Variants in RASGEF1A observed in about 807,000 individuals in gnomAD.
RASGEF1A encodes RasGEF domain family member 1A, also known as ras-GEF domain-containing family member 1A.
In RASGEF1A, 18 loss-of-function variants were observed where a neutral mutation model predicts 56.4. The observed-to-expected ratio is 0.32, with a 90% CI of 0.22 to 0.47. The LOEUF (loss-of-function observed/expected upper bound fraction) is 0.47. Among genes scored for constraint, RASGEF1A ranks in the 20% least tolerant of loss-of-function variants. The pLI is 1.00. For synonymous variants in RASGEF1A, 245 were observed against 242.6 expected, an observed-to-expected ratio of 1.01 and a Z score of -0.09; for missense variants, 422 against 627.1, an observed-to-expected ratio of 0.67 and a Z score of 3.49.
chr10:43,196,885 G>T lies in RASGEF1A; in HGVS notation c.1348+91C>A, dbSNP rs535557004. The T allele has an allele frequency of 2.0e-6, 3 of 1,496,056 alleles. No homozygotes were observed. The highest frequency in any genetic ancestry group is 2.7e-6 in the Non-Finnish European group (3 of 1,100,292). The allele number at this position is 1,496,056 out of a possible 1,614,324, so 92.7% of individuals were successfully genotyped here. ...CTGTGTGGCATGGAGCAGCCAGCAG[G>T]CCATCTCCCAGGGCAACCCCAAAGA... On this transcript the variant is annotated intron_variant, in intron 11 of 12. Coordinates refer to ENST00000395810, the MANE Select transcript of RASGEF1A (RefSeq NM_145313.4). This position sits in a 1 kb window ranked among gnomAD's most constrained non-coding sequence, Gnocchi z 4.6.
chr10:43,242,995 G>A (rs979663071), intron 1 of RASGEF1A, among the ~76,000 whole-genome samples: 6 of 150,494 alleles, frequency 4.0e-5, no homozygotes, highest in Non-Finnish European at 7.4e-5. Context: ...GCCGCCCATC[G>A]TCTGGGATGT....
chr10:43,241,164 T>C (rs1840493870), intron 1 of RASGEF1A, among the ~76,000 whole-genome samples: 1 of 152,146 alleles, frequency 6.6e-6, no homozygotes, highest in African/African-American at 2.4e-5. Context: ...ACTTTACTGG[T>C]TTTATATTTA....
intron 1 of RASGEF1A, among the ~76,000 whole-genome samples, chr10:43,235,429 G>A (rs748832570): frequency 1.3e-5 from 2 of 152,128 alleles, no homozygotes; most frequent in Non-Finnish European, 2.9e-5. Flanking sequence ...GTGTCCATGC[G>A]CCTTGGCCAC....
chr10:43,233,786 C>G (rs1402161192), intron 1 of RASGEF1A, among the ~76,000 whole-genome samples: 2 of 152,184 alleles, frequency 1.3e-5, no homozygotes, highest in African/African-American at 4.8e-5. Context: ...ACACTAGAGA[C>G]TCACACCAAA....
chr10:43,202,770 C>G (rs927002440), intron 3 of RASGEF1A: 2 of 462,248 alleles, frequency 4.3e-6, no homozygotes, highest in African/African-American at 4.0e-5. Context: ...CCACCACGCC[C>G]CTAACCCGGA....
intron 1 of RASGEF1A, chr10:43,206,789 T>G: frequency 1.0e-6 from 1 of 986,056 alleles, no homozygotes; most frequent in Non-Finnish European, 1.2e-6. Context: ...GGTGAAGGTC[T>G]TGGGCCAAGT....
chr10:43,224,291 AAT>A (rs10596444), intron 1 of RASGEF1A, among the ~76,000 whole-genome samples: 10,162 of 152,266 alleles, frequency 0.067, 918 homozygotes, highest in African/African-American at 0.2. Context: ...AAATGTGACA[AAT>A]ATGTCTCCTA....
At chr10:43,205,725 C>T (rs1315622417) in intron 2 of RASGEF1A, among the ~76,000 whole-genome samples, 194 bp downstream of exon 2, 1 of 152,158 alleles carries the variant, frequency 6.6e-6, no homozygotes, top group East Asian at 1.9e-4. Context: ...CCCCAGGCCA[C>T]CTGCTAGCTG....
At chr10:43,226,508 T>A (rs1840281847) in intron 1 of RASGEF1A, among the ~76,000 whole-genome samples, 1 of 151,778 alleles carries the variant, frequency 6.6e-6, no homozygotes, top group South Asian at 2.1e-4. Context: ...TCCTCCGAGA[T>A]CCACGCCATC....
At chr10:43,258,601 G>T (rs1020111310) in intron 1 of RASGEF1A, among the ~76,000 whole-genome samples, 1 of 152,240 alleles carries the variant, frequency 6.6e-6, no homozygotes, top group Non-Finnish European at 1.5e-5. Flanking sequence ...GGGCCGAGGG[G>T]CACCACCAGC....
rs1839781776 is a variant in RASGEF1A, at chr10:43,195,393, T to G, written c.*851A>C. 3.9e-5 allele frequency: 6 copies of G among 152,256 alleles called. No homozygotes were observed. In the South Asian group the frequency reaches 1.2e-3, roughly 32 times the overall value. The allele number at this position is 152,256 out of a possible 1,614,324, so 9.4% of individuals were successfully genotyped here. On this transcript the variant is annotated 3_prime_UTR_variant, in exon 13 of 13. Transcript: ENST00000395810. This position sits in a 1 kb window ranked among gnomAD's most constrained non-coding sequence, Gnocchi z 4.2. The stretch of plus-strand genomic sequence containing the variant: ...GCCCTCCCCTCTGTAGATGATAGGT[T>G]TCAAGACTAGCTCTAAATGTCACCA...
chr10:43,198,673 C>T (rs1414837551), intron 9 of RASGEF1A, among the ~76,000 whole-genome samples: 1 of 152,232 alleles, frequency 6.6e-6, no homozygotes, highest in African/African-American at 2.4e-5. Flanking sequence ...AACACAACCC[C>T]ACTCTTGTCA....
At chr10:43,243,670 G>A (rs536737332) in intron 1 of RASGEF1A, among the ~76,000 whole-genome samples, 11 of 141,794 alleles carry the variant, frequency 7.8e-5, no homozygotes, top group South Asian at 2.3e-4. Flanking sequence ...CTGCCCGGCC[G>A]CTCTTCGTCT....
At chr10:43,265,365 A>G (rs987011668) in intron 1 of RASGEF1A, among the ~76,000 whole-genome samples, 1 of 152,180 alleles carries the variant, frequency 6.6e-6, no homozygotes, top group Non-Finnish European at 1.5e-5. Context: ...AGGAGGACAC[A>G]GCTTCTCTAC....
At chr10:43,197,231 C>G in intron 10 of RASGEF1A, 132 bp from the exon 11 acceptor site, 2 of 1,077,634 alleles carry the variant, frequency 1.9e-6, no homozygotes, top group Non-Finnish European at 2.7e-6. Context: ...GGACAGTGGC[C>G]CTGCACGCTG....
chr10:43,242,250 A>G (rs1057193619), intron 1 of RASGEF1A, among the ~76,000 whole-genome samples: 1 of 152,228 alleles, frequency 6.6e-6, no homozygotes, highest in African/African-American at 2.4e-5. Flanking sequence ...AGACTTTAGG[A>G]CAAAAATTGT....
At chr10:43,208,120 G>A (rs747231739) in intron 1 of RASGEF1A, 183 of 985,360 alleles carry the variant, frequency 1.9e-4, no homozygotes, top group Non-Finnish European at 2.1e-4. Context: ...GGCATCTGAG[G>A]CCAATGCACT....
intron 1 of RASGEF1A, among the ~76,000 whole-genome samples, chr10:43,265,429 G>A (rs1288207648): frequency 6.6e-6 from 1 of 152,224 alleles, no homozygotes; most frequent in Non-Finnish European, 1.5e-5. Context: ...CAGGAGCAGG[G>A]AGTGTGGGCC....
At chr10:43,258,756 C>G (rs984665508) in intron 1 of RASGEF1A, among the ~76,000 whole-genome samples, 21 of 152,262 alleles carry the variant, frequency 1.4e-4, no homozygotes, top group African/African-American at 5.1e-4. Context: ...ACCCACTCAG[C>G]ACAGCCTCTT....
Sources: gnomAD v4.1 joint callset for allele counts (sites outside exome capture counted in the v4.1 genomes callset) on GRCh38, gnomAD v4.1.1 for gene constraint, Gnocchi (gnomAD v3.1) non-coding constraint, MANE v1.5 for transcripts, NCBI Gene and HGNC (gene_info 2026-07-23, HGNC 2026-07-21) for gene names.